Variants in CD99L2 observed in about 807,000 individuals in gnomAD.
CD99L2 encodes the protein CD99 molecule like 2.
Under a neutral mutation model 27.3 loss-of-function variants are expected in CD99L2, and 24 were observed. The ratio of observed to expected loss-of-function variants is 0.88; its 90% CI spans 0.64 to 1.24. CD99L2 has a LOEUF of 1.24. Ranked by LOEUF, CD99L2 falls within the 50% of genes most tolerant of loss-of-function variation. CD99L2 has a pLI of 0.00. For missense variants in CD99L2, 255 were observed against 221.6 expected, an observed-to-expected ratio of 1.15 and a Z score of -0.96; for synonymous variants, 97 against 87.9, an observed-to-expected ratio of 1.10 and a Z score of -0.58.
intron 1 of CD99L2, among the ~76,000 whole-genome samples, chrX:150,871,571 C>CTT (rs2047157779): frequency 8.9e-6 from 1 of 112,084 alleles, no homozygotes; most frequent in African/African-American, 3.2e-5. Flanking sequence ...TTGGAAAACT[C>CTT]TAACTGTTTC....
intron 2 of CD99L2, among the ~76,000 whole-genome samples, chrX:150,823,863 G>A (rs916675224): frequency 3.1e-4 from 34 of 110,431 alleles, no homozygotes; most frequent in African/African-American, 1.0e-3. Flanking sequence ...TCATTCATGA[G>A]GGCAGAACCC....
chrX:150,848,556 TAA>T (rs55999462), intron 1 of CD99L2, among the ~76,000 whole-genome samples: 9,592 of 93,699 alleles, frequency 0.1, 477 homozygotes, highest in South Asian at 0.19. Context: ...TTCCACAATT[TAA>T]AAAAAAAAAA....
At chrX:150,782,774 C>A (rs1355485230) in intron 7 of CD99L2, among the ~76,000 whole-genome samples, 1 of 111,312 alleles carries the variant, frequency 9.0e-6, no homozygotes, top group East Asian at 2.8e-4. Context: ...AAAGACCCCA[C>A]CTTCAAGACC....
intron 1 of CD99L2, among the ~76,000 whole-genome samples, chrX:150,866,298 C>A (rs868976774): frequency 9.0e-6 from 1 of 110,762 alleles, no homozygotes; most frequent in Non-Finnish European, 1.9e-5. Context: ...CAAAAAAAAA[C>A]ACACCAGGAA....
intron 3 of CD99L2, among the ~76,000 whole-genome samples, chrX:150,815,372 G>A (rs1309010301): frequency 8.9e-6 from 1 of 111,863 alleles, no homozygotes; most frequent in Non-Finnish European, 1.9e-5. Flanking sequence ...AAATCATAAA[G>A]CAGCAGTGAC....
At chrX:150,807,022 CAAATCTTTACAGAGCAATAGT>C (rs1250390165) in intron 4 of CD99L2, among the ~76,000 whole-genome samples, 5 of 111,597 alleles carry the variant, frequency 4.5e-5, no homozygotes, top group Non-Finnish European at 7.5e-5. Flanking sequence ...TTCCAGATAG[CAAATCTTTACAGAGCAATAGT>C]AAATCTTTAC....
intron 1 of CD99L2, among the ~76,000 whole-genome samples, chrX:150,894,139 A>G (rs1557422982): frequency 8.9e-6 from 1 of 111,742 alleles, no homozygotes; most frequent in East Asian, 2.8e-4. Context: ...CTTGCCCATT[A>G]AGCAGACACT....
intron 1 of CD99L2, among the ~76,000 whole-genome samples, chrX:150,832,442 G>A (rs2046458079): frequency 8.9e-6 from 1 of 111,919 alleles, no homozygotes; most frequent in Non-Finnish European, 1.9e-5. Context: ...TGGCCAACAT[G>A]GTGAAACTCT....
intron 1 of CD99L2, among the ~76,000 whole-genome samples, chrX:150,865,899 T>C (rs2047053170): frequency 8.9e-6 from 1 of 111,947 alleles, no homozygotes; most frequent in Non-Finnish European, 1.9e-5. Flanking sequence ...GATGGGAGGA[T>C]TGCTTGAGCC....
intron 2 of CD99L2, among the ~76,000 whole-genome samples, chrX:150,817,929 G>C (rs1557420570): frequency 9.0e-6 from 1 of 110,546 alleles, no homozygotes; most frequent in Non-Finnish European, 1.9e-5. Flanking sequence ...AACCATAAGA[G>C]AGCTGGAGCA....
At chrX:150,775,452 G>A (rs898670687) in intron 9 of CD99L2, among the ~76,000 whole-genome samples, 2 of 112,528 alleles carry the variant, frequency 1.8e-5, no homozygotes, top group African/African-American at 6.5e-5. Flanking sequence ...GTGGGGCGCC[G>A]ATGGGTGAAG....
intron 1 of CD99L2, among the ~76,000 whole-genome samples, chrX:150,877,821 AAAG>A (rs1232570092): frequency 9.0e-6 from 1 of 110,955 alleles, no homozygotes; most frequent in African/African-American, 3.3e-5. Context: ...CGTCTCAAAA[AAAG>A]AAAACAACAC....
intron 1 of CD99L2, among the ~76,000 whole-genome samples, chrX:150,859,688 G>A (rs1327452739): frequency 4.6e-5 from 5 of 108,595 alleles, no homozygotes; most frequent in Admixed American, 2.0e-4. Context: ...TAGTACAGAC[G>A]GGGTTTCACC....
intron 1 of CD99L2, among the ~76,000 whole-genome samples, chrX:150,843,983 G>C (rs2046661353): frequency 8.9e-6 from 1 of 111,768 alleles, no homozygotes; most frequent in Non-Finnish European, 1.9e-5. Context: ...CTATAACATG[G>C]ACCAGAATCA....
At chrX:150,846,145 T>C (rs1446492252) in intron 1 of CD99L2, among the ~76,000 whole-genome samples, 1 of 112,401 alleles carries the variant, frequency 8.9e-6, no homozygotes, top group Non-Finnish European at 1.9e-5. Context: ...TGAGCCAAGA[T>C]TGTGCCACTG....
rs782412838 is a variant in CD99L2 at position 150,895,361 on chromosome X, C to T, written c.67+3161G>A. ...TAAAATACACAGCAGACTGAAAAGCCCTCTGTAATTAGAACAAAGATAACT... is the reference window on the plus strand; with the variant it reads ...TAAAATACACAGCAGACTGAAAAGCTCTCTGTAATTAGAACAAAGATAACT... On this transcript the variant is annotated intron_variant, in intron 1 of 10. Transcript: ENST00000370377. Among the ~76,000 whole-genome samples the T allele has an allele frequency of 4.5e-5, 5 of 111,675 alleles. No individual in the cohort carries two copies. The East Asian group carries it at 1.4e-3, about 31-fold the overall frequency.
intron 4 of CD99L2, among the ~76,000 whole-genome samples, chrX:150,808,998 G>GT (rs782279804): frequency 9.0e-6 from 1 of 110,963 alleles, no homozygotes; most frequent in Non-Finnish European, 1.9e-5. Flanking sequence ...TGAAGCAAAG[G>GT]TAAGAGTCAG....
Position 150,783,240 on chromosome X carries a change from G to A in CD99L2, c.497-5758C>T, listed in dbSNP as rs182022527. Among the ~76,000 whole-genome samples the A allele has an allele frequency of 6.5e-3, 724 of 110,932 alleles. 6 individuals are homozygous for A. Among genetic ancestry groups the A allele is most frequent in the African/African-American group, 0.021 (652 of 30,401 alleles). On this transcript the variant is annotated intron_variant, in intron 7 of 10. Coordinates refer to ENST00000370377, the MANE Select transcript of CD99L2 (RefSeq NM_031462.4). ...TGGGTGCAGCAAACCACCATGGCAC[G>A]TGTATAACTATGTAACAAACCTGCA...
intron 1 of CD99L2, among the ~76,000 whole-genome samples, chrX:150,891,381 G>A (rs2047509378): frequency 8.9e-6 from 1 of 111,814 alleles, no homozygotes; most frequent in African/African-American, 3.2e-5. Flanking sequence ...TCTAGAGGCT[G>A]TGTGGTCCTT....
Sources: allele counts gnomAD v4.1 joint callset (sites outside exome capture counted in the v4.1 genomes callset), GRCh38; gene constraint gnomAD v4.1.1; transcripts MANE v1.5; gene names NCBI Gene and HGNC (gene_info 2026-07-23, HGNC 2026-07-21).